The following TBC1D1 variants were observed in gnomAD, a reference collection of about 807,000 sequenced individuals.
The protein encoded by TBC1D1 is TBC1 (tre-2/USP6, BUB2, cdc16) domain family, member 1.
In TBC1D1, 89 loss-of-function variants were observed where a neutral mutation model predicts 125.6. The ratio of observed to expected loss-of-function variants is 0.71; its 90% CI spans 0.60 to 0.85. The LOEUF (loss-of-function observed/expected upper bound fraction) is 0.85. Ranked by LOEUF, TBC1D1 falls within the 40% of genes least tolerant of loss-of-function variation. The pLI is 0.00. For missense variants in TBC1D1, 1,377 were observed against 1,469.2 expected (o/e 0.94, Z 1.03); for synonymous variants, 565 against 564.1 (o/e 1.00, Z -0.02).
intron 7 of TBC1D1, among the ~76,000 whole-genome samples, chr4:38,034,718 G>A (rs936550273): frequency 1.1e-4 from 17 of 152,090 alleles, no homozygotes; most frequent in Admixed American, 5.9e-4. Context: ...AACAGGCAAT[G>A]GATACTTGTC....
intron 2 of TBC1D1, chr4:37,961,070 T>C (rs1729953073): frequency 6.3e-7 from 1 of 1,584,502 alleles, no homozygotes; most frequent in African/African-American, 1.3e-5. Flanking sequence ...GGAGTTTGTG[T>C]GTACTTGTAT....
In TBC1D1 at chr4:37,997,819, G is replaced by C. The variant is rs1018338728; in HGVS notation, c.418-16690G>C. 1.8e-4 allele frequency among the ~76,000 whole-genome samples: 27 copies of C among 151,836 alleles called. No homozygotes were observed. The South Asian group carries it at 1.9e-3, about 11-fold the overall frequency. ...AAGAGAATTTTTTGCCAGAATGCCA[G>C]AGTAGACTGAGGGTGGATGGGCGAG... is the stretch of plus-strand genomic sequence containing the variant. On this transcript the variant is annotated intron_variant, in intron 2 of 19. Coordinates refer to ENST00000261439, the MANE Select transcript of TBC1D1 (RefSeq NM_015173.4).
intron 2 of TBC1D1, among the ~76,000 whole-genome samples, chr4:37,982,077 T>G (rs562751970): frequency 6.6e-6 from 1 of 152,316 alleles, no homozygotes; most frequent in Admixed American, 6.5e-5. Context: ...CATCATCTCT[T>G]TCTTCTAAGC....
rs1753364797 is a variant in TBC1D1 at position 38,064,650 on chromosome 4, A to G, written c.2050+10312A>G. On this transcript the variant is annotated intron_variant, in intron 12 of 19. Coordinates refer to ENST00000261439, the MANE Select transcript of TBC1D1 (RefSeq NM_015173.4). ...TCTTTTTTTTTTTTTTTTTGAGACAATCTTGCTCTGTCGCCCAGGCTGGAG... is the reference window on the plus strand; with the variant it reads ...TCTTTTTTTTTTTTTTTTTGAGACAGTCTTGCTCTGTCGCCCAGGCTGGAG... Among the ~76,000 whole-genome samples the G allele has an allele frequency of 4.0e-5, 6 of 149,168 alleles. No homozygotes were observed. The South Asian group carries it at 8.5e-4, about 21-fold the overall frequency.
intron 6 of TBC1D1, among the ~76,000 whole-genome samples, chr4:38,023,053 C>T (rs112602808): frequency 0.011 from 1,672 of 151,834 alleles, 29 homozygotes; most frequent in African/African-American, 0.038. Flanking sequence ...CCTGTCTCTA[C>T]GAAATACAAA....
At chr4:37,899,887 G>C (rs1256322454) in intron 1 of TBC1D1, among the ~76,000 whole-genome samples, 1 of 151,960 alleles carries the variant, frequency 6.6e-6, no homozygotes, top group Non-Finnish European at 1.5e-5. Flanking sequence ...TTGGGAGGCC[G>C]AGGCGGGCGG....
chr4:38,006,571 C>T (rs989137332), intron 2 of TBC1D1, among the ~76,000 whole-genome samples: 2 of 150,554 alleles, frequency 1.3e-5, no homozygotes, highest in Admixed American at 6.6e-5. Flanking sequence ...CTCTGCCTTC[C>T]GGGTTCAAGC....
At chr4:38,040,972 C>T (rs574439668) in intron 8 of TBC1D1, among the ~76,000 whole-genome samples, 73 of 152,286 alleles carry the variant, frequency 4.8e-4, no homozygotes, top group Middle Eastern at 3.4e-3. Flanking sequence ...GTCCAGGGTA[C>T]GCTCTATAGT....
chr4:38,101,857 G>A (rs1445138540), intron 14 of TBC1D1, among the ~76,000 whole-genome samples: 1 of 152,092 alleles, frequency 6.6e-6, no homozygotes, highest in Non-Finnish European at 1.5e-5. Flanking sequence ...TTGTGCCTGA[G>A]GCAAACTGAA....
chr4:38,111,370 G>C (rs1762173926), intron 15 of TBC1D1, among the ~76,000 whole-genome samples: 1 of 152,064 alleles, frequency 6.6e-6, no homozygotes, highest in Non-Finnish European at 1.5e-5. Flanking sequence ...AAGAGCTTCT[G>C]TTTCCATGGA....
chr4:37,927,829 C>T (rs948543490), intron 2 of TBC1D1, among the ~76,000 whole-genome samples: 5 of 152,096 alleles, frequency 3.3e-5, no homozygotes, highest in Non-Finnish European at 7.4e-5. Context: ...CCCAGGGGTT[C>T]GAGGCTGCAG....
intron 13 of TBC1D1, among the ~76,000 whole-genome samples, chr4:38,094,081 T>G (rs1314466551): frequency 6.6e-6 from 1 of 152,230 alleles, no homozygotes; most frequent in Non-Finnish European, 1.5e-5. Flanking sequence ...AAATCAAATA[T>G]TCAGTGCAAT....
chr4:38,107,238 G>A (rs1761465079), intron 15 of TBC1D1, among the ~76,000 whole-genome samples: 1 of 152,172 alleles, frequency 6.6e-6, no homozygotes, highest in South Asian at 2.1e-4. Context: ...CAGGTGCCCT[G>A]CCTGCCCGGC....
At chr4:38,096,153 G>A in intron 14 of TBC1D1, 63 bp downstream of exon 16, 1 of 1,423,006 alleles carries the variant, frequency 7.0e-7, no homozygotes, top group South Asian at 1.4e-5. Context: ...GGAGAAGTGT[G>A]GAATTAAAAA....
intron 2 of TBC1D1, among the ~76,000 whole-genome samples, chr4:37,974,046 A>G (rs1732561518): frequency 6.6e-6 from 1 of 152,238 alleles, no homozygotes; most frequent in South Asian, 2.1e-4. Context: ...TGGAACTGTC[A>G]GCCTCCATCT....
At chr4:38,057,162 A>G (rs1347637772) in intron 12 of TBC1D1, among the ~76,000 whole-genome samples, 2 of 152,130 alleles carry the variant, frequency 1.3e-5, no homozygotes, top group African/African-American at 4.8e-5. Context: ...TGTCAGCGCT[A>G]GGCAGAGATC....
intron 1 of TBC1D1, among the ~76,000 whole-genome samples, chr4:37,898,481 C>T (rs1225603371): frequency 3.3e-5 from 5 of 152,160 alleles, no homozygotes; most frequent in African/African-American, 1.2e-4. Context: ...GTTTCTACAG[C>T]AAACAGTCAT....
At chr4:37,903,640 G>A (rs1014372210) in intron 2 of TBC1D1, among the ~76,000 whole-genome samples, 4 of 152,190 alleles carry the variant, frequency 2.6e-5, no homozygotes, top group African/African-American at 9.7e-5. Flanking sequence ...TAGGGTGTAA[G>A]GACCTTATTT....
chr4:38,049,771 A>G lies in TBC1D1; in HGVS notation c.1783A>G (p.Asn595Asp), dbSNP rs1304660592. The G allele has an allele frequency of 2.5e-6, 4 of 1,614,070 alleles. No individual in the cohort carries two copies. The South Asian group carries it at 4.4e-5, about 18-fold the overall frequency. The stretch of plus-strand genomic sequence containing the variant: ...CCAGCAGGCCTTCAGGAGGCGAGCA[A>G]ACACCCTGAGTCACTTCCCCATCGA... Residue 595 changes from asparagine (N) to aspartate (D), a missense_variant, in exon 11 of 20, where the codon AAC (asparagine) becomes GAC (aspartate). This residue lies in a region of TBC1D1 where 822 missense variants were observed against 824.6 expected (regional missense o/e 1.00). Transcript: ENST00000261439.
Sources: allele counts gnomAD v4.1 joint callset (sites outside exome capture counted in the v4.1 genomes callset), GRCh38; gene constraint gnomAD v4.1.1; regional missense constraint gnomAD v4.1.1; transcripts MANE v1.5; gene names NCBI Gene and HGNC (gene_info 2026-07-23, HGNC 2026-07-21).